DMXL1: variants seen among roughly 807,000 people sequenced by gnomAD.
DMXL1 encodes Dmx like 1, also known as dmX-like protein 1.
DMXL1 carries 99 observed loss-of-function variants against 319.2 expected under a neutral mutation model. That is an observed-to-expected ratio of 0.31 (90% CI 0.26 to 0.37). The LOEUF is 0.37. Among genes scored for constraint, DMXL1 ranks in the 10% least tolerant of loss-of-function variants. The pLI is 1.00. For missense variants in DMXL1, 3,745 were observed against 3,595.6 expected (o/e 1.04, Z -1.06); for synonymous variants, 1,385 against 1,235.2 (o/e 1.12, Z -2.54).
At position 119,165,260 on chromosome 5, in the gene DMXL1, T is replaced by G; in HGVS notation, c.4950T>G (p.Ala1650=). The G allele has an allele frequency of 6.3e-7, 1 of 1,587,220 alleles. No homozygotes were observed. The highest frequency in any genetic ancestry group is 8.6e-7 in the Non-Finnish European group (1 of 1,165,428). Reference sequence around the variant, plus strand: ...TTTACCTTGCAATGAAAAAGAAAGCTGTGATTTGGGGATTATATAGGTAGG... The same window carrying G: ...TTTACCTTGCAATGAAAAAGAAAGCGGTGATTTGGGGATTATATAGGTAGG... ...AIFYLAMKKK[A]VIWGLYRAEK... Residue 1650 remains alanine (A), a synonymous_variant, in exon 21 of 44, where the codon GCT becomes GCG. Coordinates refer to ENST00000539542, the MANE Select transcript of DMXL1 (RefSeq NM_001290321.3).
At chr5:119,142,503 C>T (rs1262644466) in intron 13 of DMXL1, among the ~76,000 whole-genome samples, 2 of 137,332 alleles carry the variant, frequency 1.5e-5, no homozygotes, top group East Asian at 4.1e-4. Context: ...GTCAGAATGG[C>T]TATTATTAAA....
intron 33 of DMXL1, among the ~76,000 whole-genome samples, chr5:119,204,351 G>A (rs903963064): frequency 3.3e-5 from 5 of 152,040 alleles, no homozygotes; most frequent in Non-Finnish European, 7.4e-5. Flanking sequence ...ATTGCCCAGG[G>A]TGGTCTTGAA....
At chr5:119,174,925 A>G (rs1775497572) in intron 25 of DMXL1, among the ~76,000 whole-genome samples, 1 of 152,244 alleles carries the variant, frequency 6.6e-6, no homozygotes, top group Admixed American at 6.5e-5. Context: ...GGTTGAGGAA[A>G]AAGCAGATTG....
intron 18 of DMXL1, among the ~76,000 whole-genome samples, chr5:119,151,325 G>A (rs551474503): frequency 1.1e-4 from 17 of 152,020 alleles, no homozygotes; most frequent in African/African-American, 2.4e-4. Flanking sequence ...CCATATATAC[G>A]TCAGTATCCC....
At chr5:119,244,827 C>T (rs745830100) in intron 43 of DMXL1, among the ~76,000 whole-genome samples, 2 of 152,054 alleles carry the variant, frequency 1.3e-5, no homozygotes, top group African/African-American at 2.4e-5. Context: ...AAACATAATT[C>T]AGATATTAGA....
At position 119,249,112 on chromosome 5, in the gene DMXL1, A is replaced by G. The variant is rs1034373091; in HGVS notation, c.*1893A>G. Reference sequence around the variant, plus strand: ...AGAGTCATAATATTTTAAATAAACAATCATGCAGAAACTTTTTTAGGGGGT... The same window carrying G: ...AGAGTCATAATATTTTAAATAAACAGTCATGCAGAAACTTTTTTAGGGGGT... On this transcript the variant is annotated 3_prime_UTR_variant, in exon 44 of 44. Transcript: ENST00000539542. 23 of 152,568 alleles carry G rather than the reference A, an allele frequency of 1.5e-4. No homozygotes were observed. The highest frequency in any genetic ancestry group is 5.1e-4 in the African/African-American group (21 of 41,442). 9.5% of individuals were successfully genotyped at this position (152,568 alleles called of 1,614,324 possible). A position where few individuals can be genotyped will look rare whatever the true frequency, so the allele number is the denominator to read the frequency against.
intron 1 of DMXL1, among the ~76,000 whole-genome samples, chr5:119,076,440 G>T (rs1750890343): frequency 6.6e-6 from 1 of 152,026 alleles, no homozygotes; most frequent in African/African-American, 2.4e-5. Context: ...ATCTTTTTTG[G>T]TGGGGAGAAT....
chr5:119,086,540 C>T (rs1753411634), intron 1 of DMXL1, among the ~76,000 whole-genome samples: 1 of 152,044 alleles, frequency 6.6e-6, no homozygotes, highest in Non-Finnish European at 1.5e-5. Flanking sequence ...GTTTTGGTGT[C>T]AGGATAATGC....
chr5:119,132,674 C>CAA (rs372333927), intron 10 of DMXL1: 853 of 331,418 alleles, frequency 2.6e-3, no homozygotes, highest in East Asian at 4.4e-3. Flanking sequence ...GACTCCGTCT[C>CAA]AAAAAAAAAA....
intron 10 of DMXL1, 25 bp from the exon 11 acceptor site, chr5:119,133,107 G>A: frequency 2.5e-6 from 4 of 1,610,056 alleles, no homozygotes; most frequent in Non-Finnish European, 3.4e-6. Flanking sequence ...GTATTTACTT[G>A]GTTCATGAAC....
rs1758080601 is a variant in DMXL1 at position 119,105,263 on chromosome 5, G to T, written c.364+5G>T. The T allele has an allele frequency of 6.2e-7, 1 of 1,608,918 alleles. No individual in the cohort carries two copies. Among genetic ancestry groups the T allele is most frequent in the African/African-American group, 1.3e-5 (1 of 74,830 alleles). On this transcript the variant is annotated splice_donor_5th_base_variant and intron_variant, in intron 4 of 43. Transcript: ENST00000539542. ...ATATAACCTGGGATCCCACAGGTAA[G>T]AAAATAAGCAGGATTAACTAAAATG... is the stretch of plus-strand genomic sequence containing the variant.
intron 43 of DMXL1, among the ~76,000 whole-genome samples, chr5:119,246,357 A>G (rs1561962239): frequency 6.6e-6 from 1 of 152,154 alleles, no homozygotes; most frequent in Non-Finnish European, 1.5e-5. Context: ...CTGCTGAGAG[A>G]TAGGAAACGT....
chr5:119,107,789 T>G (rs1316862887), intron 4 of DMXL1, among the ~76,000 whole-genome samples: 2 of 152,170 alleles, frequency 1.3e-5, no homozygotes, highest in African/African-American at 4.8e-5. Context: ...TTCTTGTGCT[T>G]TTTTTTGGCC....
intron 8 of DMXL1, 82 bp from the exon 9 acceptor site, chr5:119,120,889 G>A: frequency 8.8e-7 from 1 of 1,142,612 alleles, no homozygotes; most frequent in Non-Finnish European, 1.2e-6. Context: ...TAGGATATAT[G>A]TAACTTCTGA....
chr5:119,076,455 A>G (rs963090571), intron 1 of DMXL1, among the ~76,000 whole-genome samples: 2 of 152,034 alleles, frequency 1.3e-5, no homozygotes, highest in Admixed American at 1.3e-4. Context: ...GAGAATATAG[A>G]AGGGCAAAGA....
intron 13 of DMXL1, chr5:119,139,093 A>G (rs1301163780): frequency 6.6e-6 from 1 of 152,202 alleles, no homozygotes; most frequent in Non-Finnish European, 1.5e-5. Context: ...AGATAAACCA[A>G]TGTTGAGGGA....
rs200106007 is a variant in DMXL1 at position 119,197,900 on chromosome 5, A to C, written c.7689A>C (p.Ala2563=). The change falls in exon 32 of 44, where the codon GCA becomes GCC. Residue 2563 remains alanine, a synonymous_variant. Coordinates refer to ENST00000539542, the MANE Select transcript of DMXL1 (RefSeq NM_001290321.3). ...ASHTAEESLS[A]GPAILRHKAL... ...ATACCGCCGAAGAGAGTTTGTCTGCAGGTCCTGCAATTCTTCGCCACAAAG... is the reference window on the plus strand; with the variant it reads ...ATACCGCCGAAGAGAGTTTGTCTGCCGGTCCTGCAATTCTTCGCCACAAAG... The C allele has an allele frequency of 8.4e-5, 135 of 1,614,252 alleles. No individual in the cohort carries two copies. The East Asian group carries it at 2.9e-3, about 35-fold the overall frequency.
intron 1 of DMXL1, among the ~76,000 whole-genome samples, chr5:119,081,228 C>T (rs547112757): frequency 1.8e-4 from 27 of 152,318 alleles, no homozygotes; most frequent in Admixed American, 1.5e-3. Context: ...TGCGTTTGGG[C>T]TGCCTCCCCT....
intron 10 of DMXL1, among the ~76,000 whole-genome samples, chr5:119,132,180 T>A (rs370371719): frequency 1.3e-5 from 2 of 152,010 alleles, no homozygotes; most frequent in East Asian, 3.9e-4. Flanking sequence ...TCTCACTAAA[T>A]AAGAAAAGGC....
Sources: gnomAD v4.1 joint callset for allele counts (sites outside exome capture counted in the v4.1 genomes callset) on GRCh38, gnomAD v4.1.1 for gene constraint, MANE v1.5 for transcripts, NCBI Gene and HGNC (gene_info 2026-07-23, HGNC 2026-07-21) for gene names.